Variants in GRIA4 observed in about 807,000 individuals in gnomAD.
The protein encoded by GRIA4 is glutamate ionotropic receptor AMPA type subunit 4.
Under a neutral mutation model 104.0 loss-of-function variants are expected in GRIA4, and 34 were observed. The observed-to-expected ratio is 0.33, with a 90% CI of 0.25 to 0.44. The LOEUF (loss-of-function observed/expected upper bound fraction) is 0.44, where lower values mean the gene tolerates loss of function less well. GRIA4 is among the 20% of genes least tolerant of loss of function. The probability of loss-of-function intolerance (pLI) is 1.00; values close to 1 mark genes in which losing one functional copy is unlikely to be tolerated. For missense variants in GRIA4, 750 were observed against 1,096.5 expected, an observed-to-expected ratio of 0.68 and a Z score of 4.46; for synonymous variants, 386 against 381.9, an observed-to-expected ratio of 1.01 and a Z score of -0.13.
At chr11:105,941,231 A>T (rs1205109441) in intron 14 of GRIA4, among the ~76,000 whole-genome samples, 1 of 152,218 alleles carries the variant, frequency 6.6e-6, no homozygotes, top group East Asian at 1.9e-4. Context: ...GCATCAAAAA[A>T]GTCTTTTTTT....
At chr11:105,880,407 T>C (rs1342454855) in intron 5 of GRIA4, among the ~76,000 whole-genome samples, 2 of 152,146 alleles carry the variant, frequency 1.3e-5, no homozygotes, top group East Asian at 3.9e-4. Flanking sequence ...AGGGGTGGCA[T>C]GGAACGAACA....
At chr11:105,789,266 T>C (rs1591260250) in intron 4 of GRIA4, among the ~76,000 whole-genome samples, 1 of 152,174 alleles carries the variant, frequency 6.6e-6, no homozygotes. Flanking sequence ...AGTAGTCATA[T>C]GCTTCCAAGC....
intron 3 of GRIA4, among the ~76,000 whole-genome samples, chr11:105,671,537 G>C (rs186804986): frequency 5.9e-5 from 9 of 151,678 alleles, no homozygotes; most frequent in Admixed American, 3.3e-4. Context: ...AATTAGCTGG[G>C]TGTGGTGGTA....
At chr11:105,695,981 A>G (rs1339939000) in intron 3 of GRIA4, among the ~76,000 whole-genome samples, 1 of 152,204 alleles carries the variant, frequency 6.6e-6, no homozygotes, top group Non-Finnish European at 1.5e-5. Context: ...GAAGGCAAAC[A>G]AGCACTTCAA....
chr11:105,937,073 G>C (rs1396462731), intron 14 of GRIA4, among the ~76,000 whole-genome samples: 1 of 152,016 alleles, frequency 6.6e-6, no homozygotes, highest in East Asian at 1.9e-4. Context: ...ACTTCTATCA[G>C]TGCCATGGTT....
chr11:105,774,373 T>C (rs1335169775), intron 4 of GRIA4, among the ~76,000 whole-genome samples: 1 of 151,422 alleles, frequency 6.6e-6, no homozygotes, highest in Non-Finnish European at 1.5e-5. Flanking sequence ...TAAAAGTAAA[T>C]CTACTACATG....
chr11:105,913,692 C>A (rs1947321705), intron 10 of GRIA4, among the ~76,000 whole-genome samples: 2 of 151,964 alleles, frequency 1.3e-5, no homozygotes, highest in South Asian at 4.1e-4. Context: ...CTATTGAACT[C>A]TCTGGAAAAG....
chr11:105,704,448 C>T (rs1309999323), intron 3 of GRIA4, among the ~76,000 whole-genome samples: 1 of 151,594 alleles, frequency 6.6e-6, no homozygotes, highest in Non-Finnish European at 1.5e-5. Context: ...TTATAGTCCA[C>T]AGAGAAAAGA....
rs191317900 is a variant in GRIA4, at chr11:105,762,810, T to C, written c.487+9590T>C. Among the ~76,000 whole-genome samples, 30 of 152,334 alleles carry C rather than the reference T, an allele frequency of 2.0e-4. No individual in the cohort carries two copies. In the East Asian group the frequency reaches 3.9e-3, roughly 20 times the overall value. ...CATGATTGTGAGGCCTCTCCAGCCA[T>C]GTGGAACTGTGAGTCAATTAAACCC... On this transcript the variant is annotated intron_variant, in intron 4 of 16. Transcript: ENST00000282499.
rs982598936 is a variant in GRIA4, at chr11:105,709,329, C to T, written c.248-43652C>T. ...AGCTCCAGCTTTTCCATATGGTAAA[C>T]TTCCAATGAATAATGTAGAAGGATG... On this transcript the variant is annotated intron_variant, in intron 3 of 16. Coordinates refer to ENST00000282499, the MANE Select transcript of GRIA4 (RefSeq NM_000829.4). Among the ~76,000 whole-genome samples, 9 of 152,132 alleles carry T rather than the reference C, an allele frequency of 5.9e-5. No individual in the cohort carries two copies. The South Asian group carries it at 1.9e-3, about 32-fold the overall frequency.
At chr11:105,884,231 C>T (rs1946172219) in intron 5 of GRIA4, among the ~76,000 whole-genome samples, 1 of 152,210 alleles carries the variant, frequency 6.6e-6, no homozygotes, top group African/African-American at 2.4e-5. Flanking sequence ...ATTTTATATT[C>T]CTATCTTTCA....
At chr11:105,913,111 G>C in intron 10 of GRIA4, 1 of 701,880 alleles carries the variant, frequency 1.4e-6, no homozygotes, top group Non-Finnish European at 1.8e-6. Flanking sequence ...GAGAAATTCA[G>C]TTATTCATAA....
chr11:105,723,732 T>C (rs1034202987), intron 3 of GRIA4, among the ~76,000 whole-genome samples: 33 of 152,070 alleles, frequency 2.2e-4, no homozygotes, highest in African/African-American at 7.7e-4. Context: ...CTATGAACAG[T>C]AAGTAGAAAG....
chr11:105,933,991 T>C, intron 14 of GRIA4, 22 bp downstream of exon 14: 1 of 1,586,272 alleles, frequency 6.3e-7, no homozygotes, highest in Non-Finnish European at 8.6e-7. Context: ...AGTATAACAA[T>C]ATAACATGTG....
At chr11:105,776,092 A>G (rs905937856) in intron 4 of GRIA4, among the ~76,000 whole-genome samples, 21 of 152,234 alleles carry the variant, frequency 1.4e-4, no homozygotes, top group Middle Eastern at 3.4e-3. Context: ...CAATTTTATT[A>G]TAAAATTATT....
chr11:105,639,424 C>T (rs10895848), intron 3 of GRIA4, among the ~76,000 whole-genome samples: 44,819 of 151,784 alleles, frequency 0.3, 7,044 homozygotes, highest in Admixed American at 0.46. Flanking sequence ...ATCTCAGCAT[C>T]GCAGTCATAT....
chr11:105,767,953 G>C (rs1361994019), intron 4 of GRIA4, among the ~76,000 whole-genome samples: 2 of 152,048 alleles, frequency 1.3e-5, no homozygotes, highest in Admixed American at 6.6e-5. Flanking sequence ...GAAAATAGTA[G>C]AGTAAGCAGG....
chr11:105,958,095 C>T (rs1182948850), intron 14 of GRIA4, among the ~76,000 whole-genome samples: 1 of 152,112 alleles, frequency 6.6e-6, no homozygotes, highest in African/African-American at 2.4e-5. Flanking sequence ...TAATTGAATA[C>T]CCTTTATTTT....
rs796480285 is a variant in GRIA4, at chr11:105,630,671, C to A, written c.247+18237C>A. ...TGTTTTAAATCAATTTTTGAGTACC[C>A]AAGTAAGGCATTAATGAAAAAAATG... is the stretch of plus-strand genomic sequence containing the variant. On this transcript the variant is annotated intron_variant, in intron 3 of 16. Transcript: ENST00000282499. 8.6e-5 allele frequency among the ~76,000 whole-genome samples: 13 copies of A among 151,664 alleles called. 1 individual carries two copies. The highest frequency in any genetic ancestry group is 3.1e-4 in the African/African-American group (13 of 41,340).
Sources: allele counts gnomAD v4.1 joint callset (sites outside exome capture counted in the v4.1 genomes callset), GRCh38; gene constraint gnomAD v4.1.1; transcripts MANE v1.5; gene names NCBI Gene and HGNC (gene_info 2026-07-23, HGNC 2026-07-21).